The following CCDC91 variants were observed in gnomAD, a reference collection of about 807,000 sequenced individuals.
The protein encoded by CCDC91 is coiled-coil domain-containing protein 91.
Under a neutral mutation model 63.2 loss-of-function variants are expected in CCDC91, and 48 were observed. That is an observed-to-expected ratio of 0.76 (90% CI 0.60 to 0.97). The LOEUF (loss-of-function observed/expected upper bound fraction) is 0.97. Among genes scored for constraint, CCDC91 ranks in the 50% least tolerant of loss-of-function variants. The probability of loss-of-function intolerance (pLI) is 0.00; values close to 1 mark genes in which losing one functional copy is unlikely to be tolerated. For missense variants in CCDC91, 500 were observed against 494.6 expected (o/e 1.01, Z -0.10); for synonymous variants, 167 against 165.8 (o/e 1.01, Z -0.06).
chr12:28,345,278 ATATT>A (rs776399808), intron 6 of CCDC91, among the ~76,000 whole-genome samples: 17 of 152,220 alleles, frequency 1.1e-4, no homozygotes, highest in Admixed American at 2.6e-4. Context: ...ACATACATAT[ATATT>A]CATGTTTTAA....
intron 6 of CCDC91, among the ~76,000 whole-genome samples, chr12:28,356,258 T>C (rs1460630286): frequency 6.6e-6 from 1 of 152,200 alleles, no homozygotes; most frequent in Non-Finnish European, 1.5e-5. Flanking sequence ...ATGGCTCCTT[T>C]AGGAAAAACA....
At chr12:28,483,560 A>G (rs1951558165) in intron 11 of CCDC91, among the ~76,000 whole-genome samples, 1 of 152,062 alleles carries the variant, frequency 6.6e-6, no homozygotes, top group Admixed American at 6.6e-5. Flanking sequence ...CCTCTTACTT[A>G]TGGTGTCCAG....
chr12:28,546,980 C>G (rs1258503996), intron 12 of CCDC91, among the ~76,000 whole-genome samples: 1 of 151,952 alleles, frequency 6.6e-6, no homozygotes, highest in Non-Finnish European at 1.5e-5. Flanking sequence ...GGGAAAGTAG[C>G]TAAATAAATT....
intron 12 of CCDC91, among the ~76,000 whole-genome samples, chr12:28,505,065 T>C (rs1220821255): frequency 6.6e-6 from 1 of 151,962 alleles, no homozygotes; most frequent in Admixed American, 6.6e-5. Flanking sequence ...CCTTATGTTT[T>C]TTAATAAATA....
intron 6 of CCDC91, among the ~76,000 whole-genome samples, chr12:28,350,638 A>G (rs762992167): frequency 7.2e-5 from 11 of 152,204 alleles, no homozygotes; most frequent in African/African-American, 1.2e-4. Context: ...CAGGAAATCT[A>G]TTCTCTCACA....
intron 1 of CCDC91, chr12:28,236,655 G>C (rs774891717): frequency 6.6e-6 from 1 of 151,850 alleles, no homozygotes; most frequent in African/African-American, 2.4e-5. Flanking sequence ...CTTTTTAGTC[G>C]CTAGACTATG....
chr12:28,438,756 A>C (rs1949034959), intron 8 of CCDC91, among the ~76,000 whole-genome samples: 1 of 152,156 alleles, frequency 6.6e-6, no homozygotes, highest in African/African-American at 2.4e-5. Context: ...ACAACTTAGG[A>C]TGCATTTTCA....
chr12:28,216,289 C>T (rs55936321), intron 1 of CCDC91, among the ~76,000 whole-genome samples: 33 of 151,990 alleles, frequency 2.2e-4, no homozygotes, highest in South Asian at 4.1e-4. Flanking sequence ...GTGTTTCTCA[C>T]GTTGGATTAT....
intron 12 of CCDC91, among the ~76,000 whole-genome samples, chr12:28,490,200 G>A (rs1162958069): frequency 6.6e-6 from 1 of 151,770 alleles, no homozygotes; most frequent in African/African-American, 2.4e-5. Flanking sequence ...ATCTGGAGGA[G>A]GCTGTGTAGT....
In CCDC91 at chr12:28,194,575, G is replaced by C. The variant is rs367955086; in HGVS notation, c.-15+3934G>C. Among the ~76,000 whole-genome samples the C allele has an allele frequency of 3.4e-4, 51 of 152,140 alleles. No individual in the cohort carries two copies. The East Asian group carries it at 9.1e-3, about 27-fold the overall frequency. On this transcript the variant is annotated intron_variant, in intron 1 of 12. Transcript: ENST00000536442. ...TCTTAAAGGTGGCGCATCCGAAATT[G>C]TTCATTCCTCCTGGTGGGTTTGTGG...
chr12:28,514,969 CAA>C (rs1939780511), intron 12 of CCDC91, among the ~76,000 whole-genome samples: 1 of 151,712 alleles, frequency 6.6e-6, no homozygotes, highest in East Asian at 2.0e-4. Flanking sequence ...ACCCCCATGA[CAA>C]AAGTTGACCT....
chr12:28,194,421 G>A (rs11049430), intron 1 of CCDC91, among the ~76,000 whole-genome samples: 41,900 of 152,088 alleles, frequency 0.28, 6,001 homozygotes, highest in Non-Finnish European at 0.31. Context: ...TACAGTTCTT[G>A]AAGATGGTGT....
intron 7 of CCDC91, among the ~76,000 whole-genome samples, chr12:28,377,622 G>A: frequency 6.6e-6 from 1 of 151,896 alleles, no homozygotes; most frequent in Middle Eastern, 3.4e-3. Context: ...AACCAGAAGG[G>A]TTTATTTTTT....
chr12:28,373,775 T>A (rs777591211), intron 7 of CCDC91, among the ~76,000 whole-genome samples: 1 of 152,162 alleles, frequency 6.6e-6, no homozygotes, highest in Non-Finnish European at 1.5e-5. Context: ...CTACATGTCG[T>A]GACAGGGACT....
intron 12 of CCDC91, among the ~76,000 whole-genome samples, chr12:28,527,442 C>T (rs891973206): frequency 5.9e-5 from 9 of 152,308 alleles, no homozygotes; most frequent in Non-Finnish European, 1.0e-4. Flanking sequence ...GCACAGAGTC[C>T]TGTGATGTGA....
At chr12:28,436,896 A>G (rs1948937943) in intron 8 of CCDC91, among the ~76,000 whole-genome samples, 1 of 151,858 alleles carries the variant, frequency 6.6e-6, no homozygotes, top group Non-Finnish European at 1.5e-5. Context: ...CCATCGCCTT[A>G]TTAAAGATTT....
rs902833762 is a variant in CCDC91 at position 28,448,541 on chromosome 12, A to G, written c.763-1620A>G. Among the ~76,000 whole-genome samples, 8 of 152,172 alleles carry G rather than the reference A, an allele frequency of 5.3e-5. No homozygotes were observed. The South Asian group carries it at 8.3e-4, about 16-fold the overall frequency. On this transcript the variant is annotated intron_variant, in intron 8 of 12. Transcript: ENST00000536442. ...TGAATTTTATAAACATCACATTGTC[A>G]TTTTAGCTAATGTACCCTCTTCAAA... is the stretch of plus-strand genomic sequence containing the variant.
chr12:28,289,029 T>A (rs1949065168), intron 3 of CCDC91, among the ~76,000 whole-genome samples: 1 of 152,202 alleles, frequency 6.6e-6, no homozygotes, highest in Non-Finnish European at 1.5e-5. Context: ...AGTGATAATA[T>A]CCCTTTTGTT....
chr12:28,250,552 C>T (rs1213948415), intron 1 of CCDC91, among the ~76,000 whole-genome samples: 1 of 152,024 alleles, frequency 6.6e-6, no homozygotes, highest in Non-Finnish European at 1.5e-5. Flanking sequence ...TCCTTAGGCA[C>T]AGTCTTAATA....
Sources: gnomAD v4.1 joint callset for allele counts (sites outside exome capture counted in the v4.1 genomes callset) on GRCh38, gnomAD v4.1.1 for gene constraint, MANE v1.5 for transcripts, NCBI Gene and HGNC (gene_info 2026-07-23, HGNC 2026-07-21) for gene names.